The following PLEKHA2 variants were observed in gnomAD, a reference collection of about 807,000 sequenced individuals.
PLEKHA2 encodes the protein pleckstrin homology domain containing A2, also known as pleckstrin homology domain-containing family A member 2.
Under a neutral mutation model 53.2 loss-of-function variants are expected in PLEKHA2, and 28 were observed. That is an observed-to-expected ratio of 0.53 (90% CI 0.39 to 0.72). The LOEUF (loss-of-function observed/expected upper bound fraction) is 0.72. Among genes scored for constraint, PLEKHA2 ranks in the 30% least tolerant of loss-of-function variants. PLEKHA2 has a pLI of 0.00. For missense variants in PLEKHA2, 426 were observed against 537.9 expected, an observed-to-expected ratio of 0.79 and a Z score of 2.06; for synonymous variants, 193 against 196.4, an observed-to-expected ratio of 0.98 and a Z score of 0.14.
At chr8:38,929,036 A>G (rs1834341288) in intron 2 of PLEKHA2, among the ~76,000 whole-genome samples, 1 of 152,162 alleles carries the variant, frequency 6.6e-6, no homozygotes, top group African/African-American at 2.4e-5. Flanking sequence ...GTTCTCCTAC[A>G]TTCAAATGTC....
intron 10 of PLEKHA2, among the ~76,000 whole-genome samples, chr8:38,959,982 AC>A: frequency 6.6e-6 from 1 of 152,354 alleles, no homozygotes; most frequent in Admixed American, 6.5e-5. Context: ...CATGTTGCTG[AC>A]ACTAAATAAA....
rs1156250794 is a variant in PLEKHA2 at position 38,950,893 on chromosome 8, A to G, written c.389A>G (p.Lys130Arg). Residue 130 changes from lysine (K) to arginine (R), a missense_variant, in exon 6 of 12, where the codon AAG (lysine) becomes AGG (arginine). Transcript: ENST00000617275. ...CTACCCATGACCACTGAAGTTCTCAAGAGCTTAGCAGCTCCTCCAGCCCTG... is the reference window on the plus strand; with the variant it reads ...CTACCCATGACCACTGAAGTTCTCAGGAGCTTAGCAGCTCCTCCAGCCCTG... ...GGLPMTTEVL[K>R]SLAAPPALEK... 1.9e-6 allele frequency: 3 copies of G among 1,613,908 alleles called. No individual in the cohort carries two copies. The highest frequency in any genetic ancestry group is 2.7e-5 in the African/African-American group (2 of 74,928).
chr8:38,956,606 C>T (rs984189189), intron 9 of PLEKHA2, among the ~76,000 whole-genome samples: 1 of 152,110 alleles, frequency 6.6e-6, no homozygotes, highest in Non-Finnish European at 1.5e-5. Context: ...TCAAGACCAG[C>T]CTGAGCAACA....
chr8:38,944,767 C>G (rs1834677916), intron 4 of PLEKHA2, among the ~76,000 whole-genome samples: 1 of 152,182 alleles, frequency 6.6e-6, no homozygotes, highest in Non-Finnish European at 1.5e-5. Flanking sequence ...GGTAGGGACA[C>G]AGATTTGGGT....
chr8:38,963,543 TTTTG>T (rs1288174843), intron 10 of PLEKHA2, among the ~76,000 whole-genome samples: 1 of 152,178 alleles, frequency 6.6e-6, no homozygotes, highest in Non-Finnish European at 1.5e-5. Flanking sequence ...TTCATTGAGT[TTTTG>T]TTTCTCATGA....
chr8:38,920,275 C>G (rs1233981774), intron 2 of PLEKHA2, among the ~76,000 whole-genome samples: 1 of 151,946 alleles, frequency 6.6e-6, no homozygotes, highest in Non-Finnish European at 1.5e-5. Flanking sequence ...CTCAGCCTCC[C>G]GAGTAGTTGG....
intron 10 of PLEKHA2, among the ~76,000 whole-genome samples, chr8:38,965,602 T>C (rs1289637011): frequency 6.6e-6 from 1 of 152,212 alleles, no homozygotes; most frequent in Non-Finnish European, 1.5e-5. Flanking sequence ...TCCATCTCAT[T>C]CAAATTCAAA....
At chr8:38,960,619 C>T (rs1010219089) in intron 10 of PLEKHA2, among the ~76,000 whole-genome samples, 3 of 152,172 alleles carry the variant, frequency 2.0e-5, no homozygotes, top group Non-Finnish European at 4.4e-5. Flanking sequence ...TAATGGCTGG[C>T]ATAATAGAAG....
chr8:38,967,537 A>G (rs1056271619), intron 10 of PLEKHA2, among the ~76,000 whole-genome samples: 5 of 152,262 alleles, frequency 3.3e-5, no homozygotes, highest in Middle Eastern at 3.4e-3. Flanking sequence ...AATAATAGCT[A>G]TTCTGACTGG....
chr8:38,970,208 C>T lies in PLEKHA2; in HGVS notation c.*425C>T. 1 of 431,646 alleles carries T rather than the reference C, an allele frequency of 2.3e-6. No homozygotes were observed. Among genetic ancestry groups the T allele is most frequent in the East Asian group, 3.6e-5 (1 of 28,082 alleles). The allele number at this position is 431,646 out of a possible 1,614,324, so 26.7% of individuals were successfully genotyped here. A position where few individuals can be genotyped will look rare whatever the true frequency, so the allele number is the denominator to read the frequency against. ...TTTCATTTTGTTTTCAGTCCAGGTG[C>T]CTCGCAGCTCTTTTGGAATGGGCCA... On this transcript the variant is annotated 3_prime_UTR_variant, in exon 12 of 12. Transcript: ENST00000617275.
chr8:38,932,314 A>T (rs1382787510), intron 2 of PLEKHA2, among the ~76,000 whole-genome samples: 1 of 152,166 alleles, frequency 6.6e-6, no homozygotes, highest in Non-Finnish European at 1.5e-5. Flanking sequence ...GGTTTTTAAA[A>T]CAAGCTCTCC....
At chr8:38,965,227 C>G (rs1401268688) in intron 10 of PLEKHA2, among the ~76,000 whole-genome samples, 1 of 152,112 alleles carries the variant, frequency 6.6e-6, no homozygotes, top group African/African-American at 2.4e-5. Flanking sequence ...TCTTGCTAAG[C>G]AGAGGCTGGG....
chr8:38,963,976 A>G (rs1835086498), intron 10 of PLEKHA2, among the ~76,000 whole-genome samples: 1 of 152,204 alleles, frequency 6.6e-6, no homozygotes, highest in Admixed American at 6.5e-5. Flanking sequence ...TACCTATCAT[A>G]TTAGCAAAGA....
intron 3 of PLEKHA2, among the ~76,000 whole-genome samples, chr8:38,940,998 G>A (rs1342442288): frequency 6.6e-6 from 1 of 151,452 alleles, no homozygotes; most frequent in East Asian, 1.9e-4. Flanking sequence ...TAATTTCTGG[G>A]CAATCATCTT....
At chr8:38,919,649 T>C (rs1588240493) in intron 2 of PLEKHA2, among the ~76,000 whole-genome samples, 1 of 152,350 alleles carries the variant, frequency 6.6e-6, no homozygotes, top group African/African-American at 2.4e-5. Context: ...AATCATCTAG[T>C]GATCTTGGGC....
At chr8:38,905,157 C>T (rs1833850717) in intron 1 of PLEKHA2, among the ~76,000 whole-genome samples, 1 of 152,072 alleles carries the variant, frequency 6.6e-6, no homozygotes, top group Non-Finnish European at 1.5e-5. Flanking sequence ...CAAAAGTTCC[C>T]TCAAAAATAC....
intron 10 of PLEKHA2, among the ~76,000 whole-genome samples, chr8:38,961,857 A>G (rs1163783257): frequency 3.9e-5 from 6 of 152,330 alleles, no homozygotes; most frequent in Admixed American, 2.0e-4. Context: ...ATATTTACGT[A>G]TAATTTGTAC....
intron 1 of PLEKHA2, among the ~76,000 whole-genome samples, chr8:38,916,706 A>G (rs576279020): frequency 1.3e-5 from 2 of 152,294 alleles, no homozygotes; most frequent in African/African-American, 2.4e-5. Flanking sequence ...AATCTTGGCT[A>G]TTGAGAACAG....
intron 3 of PLEKHA2, among the ~76,000 whole-genome samples, chr8:38,941,841 C>T (rs916766130): frequency 1.3e-5 from 2 of 152,220 alleles, no homozygotes; most frequent in African/African-American, 4.8e-5. Context: ...AGTTGGAACA[C>T]CTGTCATTTG....
Sources: gnomAD v4.1 joint callset for allele counts (sites outside exome capture counted in the v4.1 genomes callset) on GRCh38, gnomAD v4.1.1 for gene constraint, MANE v1.5 for transcripts, NCBI Gene and HGNC (gene_info 2026-07-23, HGNC 2026-07-21) for gene names.